Variants in TAX1BP1 observed in about 807,000 individuals in gnomAD.
The protein encoded by TAX1BP1 is tax1-binding protein 1.
In TAX1BP1, 62 loss-of-function variants were observed where a neutral mutation model predicts 97.7. That is an observed-to-expected ratio of 0.63 (90% confidence interval 0.52 to 0.78). The LOEUF (loss-of-function observed/expected upper bound fraction) is 0.78. Among genes scored for constraint, TAX1BP1 ranks in the 30% least tolerant of loss-of-function variants. The pLI is 0.00. For missense variants in TAX1BP1, 867 were observed against 916.1 expected, an observed-to-expected ratio of 0.95 and a Z score of 0.69; for synonymous variants, 340 against 304.2, an observed-to-expected ratio of 1.12 and a Z score of -1.23.
At chr7:27,802,080 G>A (rs903168153) in intron 13 of TAX1BP1, among the ~76,000 whole-genome samples, 4 of 152,182 alleles carry the variant, frequency 2.6e-5, no homozygotes, top group Non-Finnish European at 5.9e-5. Context: ...CGTAGTCTGC[G>A]AACTGTGAGC....
At position 27,801,619 on chromosome 7, in the gene TAX1BP1, C is replaced by G. The variant is rs2128320585; in HGVS notation, c.1764+1529C>G. 2.0e-5 allele frequency among the ~76,000 whole-genome samples: 3 copies of G among 152,224 alleles called. No homozygotes were observed. The South Asian group carries it at 6.2e-4, about 32-fold the overall frequency. The stretch of plus-strand genomic sequence containing the variant: ...GTGCTATGCTTAAGGAGTTTATAAT[C>G]TGGTAGAGTGCTAGAAGTGTAATGG... On this transcript the variant is annotated intron_variant, in intron 13 of 16. Transcript: ENST00000396319.
chr7:27,826,453 C>T (rs1366830441), intron 15 of TAX1BP1, among the ~76,000 whole-genome samples: 1 of 152,160 alleles, frequency 6.6e-6, no homozygotes, highest in Non-Finnish European at 1.5e-5. Flanking sequence ...GGTGCTCCTT[C>T]CCATGACAGA....
At chr7:27,795,396 T>C (rs7803019) in intron 11 of TAX1BP1, among the ~76,000 whole-genome samples, 117,964 of 151,974 alleles carry the variant, frequency 0.78, 46,864 homozygotes, top group African/African-American at 0.95. Flanking sequence ...TCACTTGAGC[T>C]CAAGAGTTTG....
intron 5 of TAX1BP1, among the ~76,000 whole-genome samples, chr7:27,779,321 A>G (rs1789158016): frequency 6.6e-6 from 1 of 152,120 alleles, no homozygotes; most frequent in Admixed American, 6.5e-5. Context: ...TGAGGCAAAT[A>G]TCTTGAGGCA....
At chr7:27,784,463 G>A (rs1226809740) in intron 5 of TAX1BP1, among the ~76,000 whole-genome samples, 1 of 152,072 alleles carries the variant, frequency 6.6e-6, no homozygotes, top group Non-Finnish European at 1.5e-5. Context: ...AGGCCTCTGA[G>A]TCACACTGGC....
At chr7:27,745,470 A>G (rs1189362162) in intron 1 of TAX1BP1, among the ~76,000 whole-genome samples, 2 of 152,236 alleles carry the variant, frequency 1.3e-5, no homozygotes, top group Non-Finnish European at 2.9e-5. Flanking sequence ...GCATTCATCC[A>G]TGTAAACTTT....
chr7:27,790,163 A>C (rs1283786786), intron 8 of TAX1BP1, among the ~76,000 whole-genome samples: 1 of 151,944 alleles, frequency 6.6e-6, no homozygotes, highest in Non-Finnish European at 1.5e-5. Flanking sequence ...GAATTTATAC[A>C]TTTTTTCCTT....
rs771118660 is a variant in TAX1BP1 at position 27,748,658 on chromosome 7, A to C, written c.134A>C (p.His45Pro). 1 of 1,561,260 alleles carries C rather than the reference A, an allele frequency of 6.4e-7. No individual in the cohort carries two copies. The highest frequency in any genetic ancestry group is 8.7e-7 in the Non-Finnish European group (1 of 1,149,468). Residue 45 changes from histidine to proline, a missense_variant, in exon 2 of 17, where the codon CAT becomes CCT. By Grantham distance (77) the His-to-Pro change is moderately conservative. Transcript: ENST00000396319. Reference sequence around the variant, plus strand: ...ACCTTAACTCCATATATTCATCCACATCCAAAAGATTGGGTTGGTATATTC... The same window carrying C: ...ACCTTAACTCCATATATTCATCCACCTCCAAAAGATTGGGTTGGTATATTC... ...HYTLTPYIHPHPKDWVGIFKV... is the reference protein window; with the variant it reads ...HYTLTPYIHPPPKDWVGIFKV...
chr7:27,758,118 G>A lies in TAX1BP1; in HGVS notation c.250G>A (p.Val84Ile). 6.2e-7 allele frequency: 1 copy of A among 1,609,382 alleles called. No individual in the cohort carries two copies. Among genetic ancestry groups the A allele is most frequent in the Non-Finnish European group, 8.5e-7 (1 of 1,178,032 alleles). ...TGTGGAAGGATCAACAGTCAATTGTGTACTAGCATTCCAAGGTAAGGACTG... is the reference window on the plus strand; with the variant it reads ...TGTGGAAGGATCAACAGTCAATTGTATACTAGCATTCCAAGGTAAGGACTG... ...HYVEGSTVNCVLAFQGYYLPN... is the reference protein window; with the variant it reads ...HYVEGSTVNCILAFQGYYLPN... The change falls in exon 3 of 17, where the codon GTA becomes ATA. Residue 84 changes from valine to isoleucine, a missense_variant. Physicochemically the swap from Val to Ile is conservative, Grantham distance 29. This residue lies in a region of TAX1BP1 where 822 missense variants were observed against 851.4 expected (regional missense o/e 0.97). Transcript: ENST00000396319.
chr7:27,810,050 G>A (rs1790493887), intron 13 of TAX1BP1, among the ~76,000 whole-genome samples: 1 of 151,988 alleles, frequency 6.6e-6, no homozygotes, highest in Non-Finnish European at 1.5e-5. Flanking sequence ...TGGGACTACA[G>A]GTGTGTGCCA....
At chr7:27,764,325 A>G (rs1393664892) in intron 3 of TAX1BP1, among the ~76,000 whole-genome samples, 1 of 152,098 alleles carries the variant, frequency 6.6e-6, no homozygotes, top group East Asian at 1.9e-4. Context: ...CTTTCTTGTG[A>G]AGTACTGTTA....
chr7:27,828,570 A>G (rs1782560896), intron 16 of TAX1BP1, 58 bp from the exon 17 acceptor site: 2 of 1,539,404 alleles, frequency 1.3e-6, no homozygotes, highest in African/African-American at 2.7e-5. Flanking sequence ...TCATATATGG[A>G]CAAGTTGTTG....
At chr7:27,783,708 C>G (rs1280157907) in intron 5 of TAX1BP1, among the ~76,000 whole-genome samples, 2 of 152,054 alleles carry the variant, frequency 1.3e-5, no homozygotes, top group Non-Finnish European at 2.9e-5. Flanking sequence ...GGGAGAAATA[C>G]TTGGGTTAAA....
chr7:27,754,475 C>T (rs1788136316), intron 2 of TAX1BP1, among the ~76,000 whole-genome samples: 1 of 151,032 alleles, frequency 6.6e-6, no homozygotes, highest in African/African-American at 2.4e-5. Context: ...TATATCCCTA[C>T]CTAATTAATA....
intron 4 of TAX1BP1, among the ~76,000 whole-genome samples, chr7:27,767,232 C>T (rs1788679742): frequency 6.6e-6 from 1 of 152,030 alleles, no homozygotes; most frequent in African/African-American, 2.4e-5. Flanking sequence ...CAAATTGGTT[C>T]AGTATACATT....
intron 3 of TAX1BP1, among the ~76,000 whole-genome samples, chr7:27,760,090 G>A (rs1027670673): frequency 6.6e-6 from 1 of 152,002 alleles, no homozygotes; most frequent in Non-Finnish European, 1.5e-5. Context: ...CTGACCTCAG[G>A]TGATCCACCC....
At chr7:27,808,915 G>T (rs1790444637) in intron 13 of TAX1BP1, among the ~76,000 whole-genome samples, 1 of 152,156 alleles carries the variant, frequency 6.6e-6, no homozygotes, top group Non-Finnish European at 1.5e-5. Flanking sequence ...GTCCCCCAGG[G>T]ATTCTTGACC....
intron 3 of TAX1BP1, among the ~76,000 whole-genome samples, chr7:27,760,481 C>T (rs1022114732): frequency 4.0e-5 from 6 of 151,552 alleles, no homozygotes; most frequent in African/African-American, 7.3e-5. Flanking sequence ...CAAGCTCCGC[C>T]TCCTTAGTTT....
chr7:27,771,602 A>G (rs1788852688), intron 5 of TAX1BP1, among the ~76,000 whole-genome samples: 1 of 152,034 alleles, frequency 6.6e-6, no homozygotes, highest in South Asian at 2.1e-4. Context: ...TACAGACAAG[A>G]CTAAAGTGGT....
Sources: gnomAD v4.1 joint callset for allele counts (sites outside exome capture counted in the v4.1 genomes callset) on GRCh38, gnomAD v4.1.1 for gene constraint, gnomAD v4.1.1 regional missense constraint, MANE v1.5 for transcripts, NCBI Gene and HGNC (gene_info 2026-07-23, HGNC 2026-07-21) for gene names.